The following PDAP1 variants were observed in gnomAD, a reference collection of about 807,000 sequenced individuals.
PDAP1 encodes 28 kDa heat- and acid-stable phosphoprotein.
Under a neutral mutation model 28.0 loss-of-function variants are expected in PDAP1, and 13 were observed. The observed-to-expected ratio is 0.46, with a 90% CI of 0.30 to 0.74. The LOEUF (loss-of-function observed/expected upper bound fraction) is 0.74, where lower values mean the gene tolerates loss of function less well. PDAP1 is among the 30% of genes least tolerant of loss of function. PDAP1 has a pLI of 0.07. For missense variants in PDAP1, 150 were observed against 230.0 expected (o/e 0.65, Z 2.25); for synonymous variants, 77 against 85.1 (o/e 0.91, Z 0.52).
chr7:99,407,088 A>T (rs1794985263), intron 1 of PDAP1, among the ~76,000 whole-genome samples: 1 of 152,180 alleles, frequency 6.6e-6, no homozygotes, highest in Non-Finnish European at 1.5e-5. Context: ...TAGACTCTTC[A>T]AGACTTTAAA....
At chr7:99,400,908 C>T (rs1037093022) in intron 3 of PDAP1, among the ~76,000 whole-genome samples, 5 of 152,164 alleles carry the variant, frequency 3.3e-5, no homozygotes, top group Non-Finnish European at 5.9e-5. Flanking sequence ...GAATAAGCTA[C>T]TGGATCACAC....
chr7:99,402,797 T>G (rs1794897427), intron 3 of PDAP1, among the ~76,000 whole-genome samples: 1 of 146,596 alleles, frequency 6.8e-6, no homozygotes, highest in Non-Finnish European at 1.5e-5. Context: ...CAGAAGCGCT[T>G]GAACCTGGGA....
chr7:99,404,917 T>C lies in PDAP1; in HGVS notation c.50A>G (p.Tyr17Cys). Residue 17 changes from tyrosine to cysteine, a missense_variant, in exon 2 of 6, where the codon TAT (tyrosine) becomes TGT (cysteine). Physicochemically the swap from Tyr to Cys is radical, Grantham distance 194 (BLOSUM62 -2). Coordinates refer to ENST00000350498, the MANE Select transcript of PDAP1 (RefSeq NM_014891.7). Reference sequence around the variant, plus strand: ...CGCGTCGATCTCCTCAGGGCTTGTATACTGCCTCGCCCGGCCTTTGTGGCC... The same window carrying C: ...CGCGTCGATCTCCTCAGGGCTTGTACACTGCCTCGCCCGGCCTTTGTGGCC... ...KGGHKGRARQ[Y>C]TSPEEIDAQL... The C allele has an allele frequency of 6.2e-7, 1 of 1,614,008 alleles. No homozygotes were observed. The highest frequency in any genetic ancestry group is 8.5e-7 in the Non-Finnish European group (1 of 1,180,004).
chr7:99,408,456 G>T, intron 1 of PDAP1, 80 bp downstream of exon 1: 1 of 1,261,966 alleles, frequency 7.9e-7, no homozygotes, highest in Non-Finnish European at 1.0e-6. Context: ...TCTCAGAGAC[G>T]CGCACGGGCT....
At position 99,396,690 on chromosome 7, in the gene PDAP1, T is replaced by G. The variant is rs149887585; in HGVS notation, c.538A>C (p.Asn180His). The change falls in exon 6 of 6, where the codon AAT (asparagine) becomes CAT (histidine). Residue 180 changes from asparagine to histidine, a missense_variant. Transcript: ENST00000350498. ...CCTCCCACGGGTCGCAGTTACTTAT[T>G]CAGGGAGAGTGACTGCATTCGTTTT... ...SGKRMQSLSL[N>H]K 3.0e-5 allele frequency: 49 copies of G among 1,611,616 alleles called. No individual in the cohort carries two copies. The African/African-American group carries it at 6.4e-4, about 21-fold the overall frequency.
Sources: gnomAD v4.1 joint callset for allele counts (sites outside exome capture counted in the v4.1 genomes callset) on GRCh38, gnomAD v4.1.1 for gene constraint, MANE v1.5 for transcripts, NCBI Gene and HGNC (gene_info 2026-07-23, HGNC 2026-07-21) for gene names.